MAP3K7: variants seen among roughly 807,000 people sequenced by gnomAD.
MAP3K7 encodes the protein TGF-beta activated kinase 1.
A neutral mutation model predicts 84.8 loss-of-function variants in MAP3K7; 21 were observed. The ratio of observed to expected loss-of-function variants is 0.25; its 90% CI spans 0.18 to 0.36. MAP3K7 has a LOEUF of 0.36. Among genes scored for constraint, MAP3K7 ranks in the 10% least tolerant of loss-of-function variants. The pLI, the probability that MAP3K7 is intolerant of heterozygous loss-of-function variation, is 1.00. For missense variants in MAP3K7, 503 were observed against 747.7 expected (o/e 0.67, Z 3.82); for synonymous variants, 241 against 247.7 (o/e 0.97, Z 0.25).
At chr6:90,551,288 T>C (rs1776171488) in intron 8 of MAP3K7, 1 of 152,142 alleles carries the variant, frequency 6.6e-6, no homozygotes, top group African/African-American at 2.4e-5. Flanking sequence ...ATTTAGGAAA[T>C]TACTTAGTCT....
At chr6:90,585,056 G>C (rs1406544335) in intron 1 of MAP3K7, among the ~76,000 whole-genome samples, 1 of 152,126 alleles carries the variant, frequency 6.6e-6, no homozygotes, top group Non-Finnish European at 1.5e-5. Flanking sequence ...CCTAATATGT[G>C]TCAGGCCCTG....
At chr6:90,572,779 T>C (rs1213776790) in intron 1 of MAP3K7, among the ~76,000 whole-genome samples, 3 of 152,158 alleles carry the variant, frequency 2.0e-5, no homozygotes, top group Admixed American at 6.5e-5. Flanking sequence ...CATGGGTTCA[T>C]TGCTCTCTCA....
chr6:90,532,497 C>G (rs112260346), intron 13 of MAP3K7, among the ~76,000 whole-genome samples: 61 of 152,268 alleles, frequency 4.0e-4, no homozygotes, highest in African/African-American at 1.4e-3. Context: ...CCCAAAGTCA[C>G]ATATTTGACT....
intron 5 of MAP3K7, 124 bp from the exon 6 acceptor site, chr6:90,556,748 G>A: frequency 1.1e-6 from 1 of 922,178 alleles, no homozygotes; most frequent in Middle Eastern, 2.7e-4. Flanking sequence ...TTCAACTTCT[G>A]TGAAATGACT....
Position 90,568,626 on chromosome 6 carries a change from G to A in MAP3K7, c.232-3C>T. ...TTCACACGGGATAACTGCCGAAGCTGTTAAGAAATTAAGGTTTCTTTTAAA... is the reference window on the plus strand; with the variant it reads ...TTCACACGGGATAACTGCCGAAGCTATTAAGAAATTAAGGTTTCTTTTAAA... On this transcript the variant is annotated splice_region_variant and splice_polypyrimidine_tract_variant and intron_variant, in intron 2 of 16. Coordinates refer to ENST00000369329, the MANE Select transcript of MAP3K7 (RefSeq NM_145331.3). 6.2e-7 allele frequency: 1 copy of A among 1,603,610 alleles called. No homozygotes were observed. Among genetic ancestry groups the A allele is most frequent in the Non-Finnish European group, 8.5e-7 (1 of 1,176,672 alleles).
In MAP3K7 at chr6:90,561,828, G is replaced by A. The variant is rs16883148; in HGVS notation, c.298-161C>T. On this transcript the variant is annotated intron_variant, in intron 3 of 16. Transcript: ENST00000369329. ...TACTAGGGAAGGAAAAGGTATCTAT[G>A]ACCTAAGACTAAGACTGTCTTCTAG... 0.04 allele frequency among the ~76,000 whole-genome samples: 6,026 copies of A among 152,182 alleles called. 413 individuals are homozygous for A. The highest frequency in any genetic ancestry group is 0.14 in the African/African-American group (5,606 of 41,486).
At chr6:90,562,663 C>A (rs1425873343) in intron 3 of MAP3K7, among the ~76,000 whole-genome samples, 1 of 152,220 alleles carries the variant, frequency 6.6e-6, no homozygotes, top group Non-Finnish European at 1.5e-5. Flanking sequence ...CATAGCTGAA[C>A]AAAAGGCAGC....
intron 8 of MAP3K7, 80 bp downstream of exon 8, chr6:90,551,969 C>T (rs148934720): frequency 1.4e-6 from 2 of 1,454,408 alleles, no homozygotes; most frequent in African/African-American, 1.4e-5. Context: ...ATAGTAATAA[C>T]ATCCCTTTTA....
At chr6:90,571,987 T>C (rs1454357946) in intron 1 of MAP3K7, among the ~76,000 whole-genome samples, 180 bp from the exon 2 acceptor site, 1 of 151,212 alleles carries the variant, frequency 6.6e-6, no homozygotes, top group African/African-American at 2.4e-5. Flanking sequence ...TTTGTTAAAG[T>C]GAGAAGATAA....
chr6:90,558,041 G>C (rs1776389928), intron 5 of MAP3K7, among the ~76,000 whole-genome samples: 1 of 152,066 alleles, frequency 6.6e-6, no homozygotes, highest in African/African-American at 2.4e-5. Flanking sequence ...AGCAGGTATT[G>C]GCCGGGTGCA....
chr6:90,536,240 G>A, intron 13 of MAP3K7, 97 bp downstream of exon 13: 1 of 906,314 alleles, frequency 1.1e-6, no homozygotes, highest in South Asian at 1.7e-5. Flanking sequence ...ACAACTTTAG[G>A]TCAACTCATA....
intron 3 of MAP3K7, among the ~76,000 whole-genome samples, chr6:90,565,208 C>T (rs749566208): frequency 2.0e-5 from 3 of 151,652 alleles, no homozygotes; most frequent in Non-Finnish European, 2.9e-5. Flanking sequence ...TAACTAAGAT[C>T]GGAGCAGAAC....
At chr6:90,528,378 C>G (rs996704897) in intron 13 of MAP3K7, among the ~76,000 whole-genome samples, 22 of 152,184 alleles carry the variant, frequency 1.4e-4, no homozygotes, top group Admixed American at 3.3e-4. Flanking sequence ...TACAAAAGTA[C>G]CTTTGAGTAG....
chr6:90,549,709 T>C (rs1375241385), intron 9 of MAP3K7, among the ~76,000 whole-genome samples: 2 of 152,114 alleles, frequency 1.3e-5, no homozygotes, highest in East Asian at 3.9e-4. Flanking sequence ...GATAGAATTT[T>C]AGAGAAGTAC....
At chr6:90,543,245 T>C (rs1049318115) in intron 12 of MAP3K7, among the ~76,000 whole-genome samples, 12 of 151,988 alleles carry the variant, frequency 7.9e-5, no homozygotes, top group African/African-American at 2.9e-4. Flanking sequence ...ATGTGAAAAA[T>C]GGGTTAACTC....
intron 16 of MAP3K7, among the ~76,000 whole-genome samples, chr6:90,517,877 A>C (rs35699099): frequency 0.011 from 1,676 of 151,830 alleles, 31 homozygotes; most frequent in African/African-American, 0.039. Context: ...GTTACCACCA[A>C]CAATTCAGTT....
At chr6:90,547,409 C>T (rs769716837) in intron 10 of MAP3K7, 22 bp from the exon 11 acceptor site, 1 of 1,603,116 alleles carries the variant, frequency 6.2e-7, no homozygotes, top group Non-Finnish European at 8.5e-7. Context: ...ACAGGTCAAT[C>T]TGAATTACTG....
At position 90,547,269 on chromosome 6, in the gene MAP3K7, G is replaced by A. The variant is rs1214345872; in HGVS notation, c.1199C>T (p.Ala400Val). 1.2e-6 allele frequency: 2 copies of A among 1,613,236 alleles called. No homozygotes were observed. The highest frequency in any genetic ancestry group is 2.2e-5 in the South Asian group (2 of 91,056). ...ADMSEIEARIAATTAYSKPKR... is the reference protein window; with the variant it reads ...ADMSEIEARIVATTAYSKPKR... ...TAGTTCCTTTTTACCTGTGGTTGCG[G>A]CGATCCTAGCTTCTATTTCAGACAT... is the stretch of plus-strand genomic sequence containing the variant. Residue 400 changes from alanine (A) to valine (V), a missense_variant, in exon 11 of 17, where the codon GCC becomes GTC. Ala to Val is a moderately conservative substitution (Grantham distance 64). Around this residue, in one of 5 missense-constraint regions of MAP3K7, gnomAD observed 286 missense variants for 313.6 expected, o/e 0.91. Coordinates refer to ENST00000369329, the MANE Select transcript of MAP3K7 (RefSeq NM_145331.3).
At chr6:90,533,810 G>A (rs1285244178) in intron 13 of MAP3K7, among the ~76,000 whole-genome samples, 1 of 152,212 alleles carries the variant, frequency 6.6e-6, no homozygotes, top group Non-Finnish European at 1.5e-5. Flanking sequence ...TAACAACAGT[G>A]AGGCCACAGT....
Sources: gnomAD v4.1 joint callset for allele counts (sites outside exome capture counted in the v4.1 genomes callset) on GRCh38, gnomAD v4.1.1 for gene constraint, gnomAD v4.1.1 regional missense constraint, MANE v1.5 for transcripts, NCBI Gene and HGNC (gene_info 2026-07-23, HGNC 2026-07-21) for gene names.